SLC14A2: variants seen among roughly 807,000 people sequenced by gnomAD.
SLC14A2 encodes solute carrier family 14 member 2.
SLC14A2 carries 91 observed loss-of-function variants against 104.6 expected under a neutral mutation model. The observed-to-expected ratio is 0.87, with a 90% CI of 0.73 to 1.04. The LOEUF is 1.04. Ranked by LOEUF, SLC14A2 falls within the 50% of genes least tolerant of loss-of-function variation. The probability of loss-of-function intolerance (pLI) is 0.00; values close to 1 mark genes in which losing one functional copy is unlikely to be tolerated. For missense variants in SLC14A2, 1,189 were observed against 1,156.0 expected (o/e 1.03, Z -0.41); for synonymous variants, 476 against 466.4 (o/e 1.02, Z -0.27).
intron 2 of SLC14A2, among the ~76,000 whole-genome samples, chr18:45,537,779 G>A (rs943769173): frequency 6.6e-6 from 1 of 152,160 alleles, no homozygotes; most frequent in South Asian, 2.1e-4. Context: ...GATAAGAGTT[G>A]CCCCTAACTG....
chr18:45,657,360 G>A (rs938725539), intron 10 of SLC14A2, among the ~76,000 whole-genome samples: 6 of 151,662 alleles, frequency 4.0e-5, no homozygotes, highest in African/African-American at 9.7e-5. Flanking sequence ...GGTGGCATGC[G>A]CCTGTAGTCC....
chr18:45,662,293 C>A (rs2045948402), intron 10 of SLC14A2, among the ~76,000 whole-genome samples: 1 of 152,118 alleles, frequency 6.6e-6, no homozygotes, highest in African/African-American at 2.4e-5. Context: ...CAGAGCAAGA[C>A]TCCGTCTTAG....
chr18:45,609,530 A>C (rs2044934343), intron 2 of SLC14A2, among the ~76,000 whole-genome samples: 1 of 152,144 alleles, frequency 6.6e-6, no homozygotes, highest in Non-Finnish European at 1.5e-5. Flanking sequence ...AGCATTCCTC[A>C]TTGGAGTTTA....
chr18:45,281,101 C>T (rs141329713), intron 1 of SLC14A2, among the ~76,000 whole-genome samples: 1 of 152,306 alleles, frequency 6.6e-6, no homozygotes, highest in African/African-American at 2.4e-5. Flanking sequence ...AGCGCTTCTC[C>T]CTGCTCGGAG....
At chr18:45,648,195 CTTTTTTTTTT>C (rs59843067) in intron 10 of SLC14A2, among the ~76,000 whole-genome samples, 2 of 101,250 alleles carry the variant, frequency 2.0e-5, no homozygotes, top group African/African-American at 7.7e-5. Context: ...CTAGTTAATG[CTTTTTTTTTT>C]TTTTTTTTTT....
At chr18:45,294,958 A>G (rs1382403949) in intron 1 of SLC14A2, among the ~76,000 whole-genome samples, 1 of 152,258 alleles carries the variant, frequency 6.6e-6, no homozygotes, top group African/African-American at 2.4e-5. Flanking sequence ...AGCATACAAC[A>G]TTCTCTAAAG....
intron 1 of SLC14A2, among the ~76,000 whole-genome samples, chr18:45,251,120 C>T (rs939651425): frequency 6.6e-6 from 1 of 151,722 alleles, no homozygotes; most frequent in African/African-American, 2.4e-5. Context: ...TTTGGTGTAC[C>T]CATCACCCAA....
At chr18:45,664,687 C>T in intron 11 of SLC14A2, among the ~76,000 whole-genome samples, 1 of 152,190 alleles carries the variant, frequency 6.6e-6, no homozygotes, top group East Asian at 1.9e-4. Context: ...CTTCTTCCTC[C>T]AGCTCCCCCA....
chr18:45,648,935 A>G (rs1328443501), intron 10 of SLC14A2, among the ~76,000 whole-genome samples: 8 of 152,124 alleles, frequency 5.3e-5, no homozygotes, highest in Admixed American at 5.2e-4. Context: ...TCATAATCAA[A>G]AGCATATTCG....
chr18:45,483,314 A>T (rs182518919), exon 2 of SLC14A2: 79 of 152,336 alleles, frequency 5.2e-4, no homozygotes, highest in Non-Finnish European at 7.4e-5. Context: ...CACTGTGACC[A>T]AGGAAACTGT....
chr18:45,395,344 C>G (rs1015318502), intron 1 of SLC14A2, among the ~76,000 whole-genome samples: 1 of 152,108 alleles, frequency 6.6e-6, no homozygotes, highest in Non-Finnish European at 1.5e-5. Context: ...CTCTGAGAAG[C>G]AGAAAGAAGA....
chr18:45,664,563 G>C (rs2045983234), intron 11 of SLC14A2, among the ~76,000 whole-genome samples: 1 of 152,336 alleles, frequency 6.6e-6, no homozygotes, highest in Middle Eastern at 3.4e-3. Flanking sequence ...CCAATCCCCA[G>C]AGAGGGGGCA....
intron 1 of SLC14A2, among the ~76,000 whole-genome samples, chr18:45,222,324 T>A (rs979268482): frequency 6.6e-6 from 1 of 152,214 alleles, no homozygotes; most frequent in African/African-American, 2.4e-5. Flanking sequence ...AGTACTGACC[T>A]CGTTTTTGGA....
chr18:45,272,568 G>A (rs1012313516), intron 1 of SLC14A2, among the ~76,000 whole-genome samples: 6 of 151,818 alleles, frequency 4.0e-5, no homozygotes, highest in Non-Finnish European at 7.4e-5. Flanking sequence ...TTCTAGTTTC[G>A]TGGACATAGA....
chr18:45,565,756 C>T lies in SLC14A2; in HGVS notation c.-34-58875C>T, dbSNP rs181337670. 4.0e-3 allele frequency among the ~76,000 whole-genome samples: 614 copies of T among 152,318 alleles called. 3 individuals carry two copies. The highest frequency in any genetic ancestry group is 5.6e-3 in the Non-Finnish European group (384 of 68,036). ...GTGCGTGCCCTGACCCGCTTCTCCACAGGCAGAGTGCCCTTCTAGGCACAG... is the reference window on the plus strand; with the variant it reads ...GTGCGTGCCCTGACCCGCTTCTCCATAGGCAGAGTGCCCTTCTAGGCACAG... On this transcript the variant is annotated intron_variant, in intron 2 of 20. Coordinates refer to the SLC14A2 transcript ENST00000586448.
chr18:45,430,727 C>T (rs762008126), intron 1 of SLC14A2, among the ~76,000 whole-genome samples: 2 of 152,108 alleles, frequency 1.3e-5, no homozygotes, highest in Non-Finnish European at 2.9e-5. Context: ...AGGCACCCAC[C>T]ACCATGCCTG....
chr18:45,587,849 G>A (rs898005281), intron 2 of SLC14A2, among the ~76,000 whole-genome samples: 45 of 152,166 alleles, frequency 3.0e-4, no homozygotes, highest in African/African-American at 8.4e-4. Flanking sequence ...TGAAAAAAAC[G>A]CAGAGGGCAC....
intron 11 of SLC14A2, 65 bp from the exon 12 acceptor site, chr18:45,666,072 A>G: frequency 9.0e-7 from 1 of 1,106,650 alleles, no homozygotes; most frequent in Non-Finnish European, 1.4e-6. Flanking sequence ...CTTGCAGGAC[A>G]TTAGCTTCTG....
chr18:45,386,292 CATTTCTAAAACCCATAG>C, intron 1 of SLC14A2, among the ~76,000 whole-genome samples: 1 of 152,170 alleles, frequency 6.6e-6, no homozygotes, highest in Non-Finnish European at 1.5e-5. Context: ...ATGGAAATTT[CATTTCTAAAACCCATAG>C]ATAGGGAAGG....
Sources: gnomAD v4.1 joint callset for allele counts (sites outside exome capture counted in the v4.1 genomes callset) on GRCh38, gnomAD v4.1.1 for gene constraint, MANE v1.5 for transcripts, NCBI Gene and HGNC (gene_info 2026-07-23, HGNC 2026-07-21) for gene names.